TTC7B: variants seen among roughly 807,000 people sequenced by gnomAD.
TTC7B encodes tetratricopeptide repeat domain 7B.
TTC7B carries 28 observed loss-of-function variants against 106.8 expected under a neutral mutation model. The ratio of observed to expected loss-of-function variants is 0.26; its 90% CI spans 0.19 to 0.36. The LOEUF is 0.36. Ranked by LOEUF, TTC7B falls within the 10% of genes least tolerant of loss-of-function variation. The probability of loss-of-function intolerance (pLI) is 1.00; values close to 1 mark genes in which losing one functional copy is unlikely to be tolerated. For missense variants in TTC7B, 862 were observed against 1,076.4 expected, an observed-to-expected ratio of 0.80 and a Z score of 2.79; for synonymous variants, 405 against 430.6, an observed-to-expected ratio of 0.94 and a Z score of 0.74.
chr14:90,664,356 G>A (rs764342868), intron 9 of TTC7B, among the ~76,000 whole-genome samples: 1 of 152,068 alleles, frequency 6.6e-6, no homozygotes, highest in African/African-American at 2.4e-5. Context: ...TGCAAGCTCC[G>A]CCTCCTGGGA....
intron 9 of TTC7B, among the ~76,000 whole-genome samples, chr14:90,672,249 A>C (rs903829717): frequency 6.6e-6 from 1 of 151,972 alleles, no homozygotes; most frequent in African/African-American, 2.4e-5. Flanking sequence ...GGTTTTATGA[A>C]CTCTTCTGTC....
chr14:90,771,175 TAATG>T (rs1264730031), intron 3 of TTC7B, among the ~76,000 whole-genome samples: 10 of 152,054 alleles, frequency 6.6e-5, no homozygotes, highest in Admixed American at 6.6e-4. Flanking sequence ...CACTTAAAAA[TAATG>T]AAGATGGGAA....
chr14:90,592,657 C>T (rs894804257), intron 18 of TTC7B, among the ~76,000 whole-genome samples: 56 of 150,644 alleles, frequency 3.7e-4, no homozygotes, highest in Non-Finnish European at 6.3e-4. Flanking sequence ...TGCAGTGAGC[C>T]GAGATTGCAC....
chr14:90,688,806 TA>T (rs1377858159), intron 7 of TTC7B, among the ~76,000 whole-genome samples: 1 of 151,380 alleles, frequency 6.6e-6, no homozygotes, highest in Non-Finnish European at 1.5e-5. Context: ...CTCAAAAAAA[TA>T]AAAAATAAAA....
intron 3 of TTC7B, among the ~76,000 whole-genome samples, chr14:90,758,097 T>C (rs1490203547): frequency 6.6e-6 from 1 of 151,856 alleles, no homozygotes; most frequent in Admixed American, 6.6e-5. Flanking sequence ...CTCGGCTTGG[T>C]GAGTCCCTAA....
At chr14:90,597,989 A>C (rs1410082029) in intron 17 of TTC7B, among the ~76,000 whole-genome samples, 3 of 152,246 alleles carry the variant, frequency 2.0e-5, no homozygotes, top group African/African-American at 7.2e-5. Flanking sequence ...GTTTCCAAAT[A>C]ATCAGGTTCA....
At chr14:90,542,991 C>G (rs1303143609) in intron 19 of TTC7B, among the ~76,000 whole-genome samples, 1 of 152,220 alleles carries the variant, frequency 6.6e-6, no homozygotes, top group Non-Finnish European at 1.5e-5. Context: ...CTACCCCCTT[C>G]TATCATGACT....
chr14:90,627,093 C>T lies in TTC7B; in HGVS notation c.1752-9048G>A, dbSNP rs370205827. Among the ~76,000 whole-genome samples the T allele has an allele frequency of 3.5e-4, 54 of 152,176 alleles. 1 individual carries two copies. In the South Asian group the frequency reaches 9.5e-3, roughly 27 times the overall value. On this transcript the variant is annotated intron_variant, in intron 15 of 19. Transcript: ENST00000328459. The stretch of plus-strand genomic sequence containing the variant: ...CCTTCCAGGGCTTAAGAGATCCTCC[C>T]GTCTCAGCCTCCTGAGTGGCAGGGA...
rs151057726 is a variant in TTC7B at position 90,613,791 on chromosome 14, T to C, written c.1869-2952A>G. On this transcript the variant is annotated intron_variant, in intron 16 of 19. Coordinates refer to ENST00000328459, the MANE Select transcript of TTC7B (RefSeq NM_001010854.2). Reference sequence around the variant, plus strand: ...AAACCATTCCTGGTGAGTGTTGTAGTAGAGCGAAAGGAAACTGGAAGGACC... The same window carrying C: ...AAACCATTCCTGGTGAGTGTTGTAGCAGAGCGAAAGGAAACTGGAAGGACC... Among the ~76,000 whole-genome samples, 646 of 152,330 alleles carry C rather than the reference T, an allele frequency of 4.2e-3. 4 individuals are homozygous for C. Among genetic ancestry groups the C allele is most frequent in the African/African-American group, 0.015 (617 of 41,568 alleles).
At chr14:90,602,087 T>C (rs1467150301) in intron 17 of TTC7B, 1 of 455,762 alleles carries the variant, frequency 2.2e-6, no homozygotes, top group Non-Finnish European at 4.4e-6. Flanking sequence ...TGGAATCAAC[T>C]CTTAAGGGTG....
chr14:90,528,739 G>T lies in TTC7B; in HGVS notation c.*12629C>A, dbSNP rs1014088867. The T allele has an allele frequency of 2.0e-5, 3 of 148,722 alleles. No homozygotes were observed. Among genetic ancestry groups the T allele is most frequent in the Admixed American group, 6.7e-5 (1 of 14,918 alleles). The allele number at this position is 148,722 out of a possible 1,614,324, so 9.2% of individuals were successfully genotyped here. A position where few individuals can be genotyped will look rare whatever the true frequency, so the allele number is the denominator to read the frequency against. On this transcript the variant is annotated 3_prime_UTR_variant, in exon 20 of 20. Transcript: ENST00000328459. ...GCTTTGTTACCTGTTTCTGATGGTTGTTTCTGATGGTGTGACCCGACTGTG... is the reference window on the plus strand; with the variant it reads ...GCTTTGTTACCTGTTTCTGATGGTTTTTTCTGATGGTGTGACCCGACTGTG...
chr14:90,697,363 T>C (rs1887796260), intron 5 of TTC7B: 1 of 147,078 alleles, frequency 6.8e-6, no homozygotes, highest in African/African-American at 2.7e-5. Flanking sequence ...GACACAGAAG[T>C]GAAGGGCCTG....
At chr14:90,685,826 A>T (rs1887232434) in intron 7 of TTC7B, among the ~76,000 whole-genome samples, 1 of 152,316 alleles carries the variant, frequency 6.6e-6, no homozygotes, top group Admixed American at 6.5e-5. Flanking sequence ...ACCTAAAATA[A>T]GTAAAGAGAT....
chr14:90,599,066 G>A (rs1477749652), intron 17 of TTC7B, among the ~76,000 whole-genome samples: 5 of 152,144 alleles, frequency 3.3e-5, no homozygotes, highest in Non-Finnish European at 5.9e-5. Flanking sequence ...CAGGAGAATC[G>A]GTTGAACCCA....
intron 9 of TTC7B, among the ~76,000 whole-genome samples, chr14:90,672,408 A>G (rs930293879): frequency 3.9e-5 from 6 of 152,154 alleles, no homozygotes; most frequent in Non-Finnish European, 8.8e-5. Flanking sequence ...GGTGCTGACA[A>G]TCAGGCCCCA....
chr14:90,596,127 C>A (rs1892192966), intron 17 of TTC7B, among the ~76,000 whole-genome samples: 1 of 151,992 alleles, frequency 6.6e-6, no homozygotes, highest in African/African-American at 2.4e-5. Context: ...TTTTTTTTAA[C>A]ATGTTTTAAC....
chr14:90,727,258 G>C (rs1889142846), intron 5 of TTC7B, among the ~76,000 whole-genome samples: 1 of 152,118 alleles, frequency 6.6e-6, no homozygotes, highest in Non-Finnish European at 1.5e-5. Flanking sequence ...ACAGAGGGAG[G>C]GTGATGGACA....
intron 3 of TTC7B, among the ~76,000 whole-genome samples, chr14:90,769,642 G>C (rs936593751): frequency 1.3e-5 from 2 of 152,086 alleles, no homozygotes; most frequent in East Asian, 3.9e-4. Context: ...GGTGGCATGA[G>C]CCTTTAGTCC....
At chr14:90,549,456 T>C (rs1471104266) in intron 19 of TTC7B, among the ~76,000 whole-genome samples, 2 of 152,176 alleles carry the variant, frequency 1.3e-5, no homozygotes, top group Non-Finnish European at 2.9e-5. Context: ...TGTCTCCCTT[T>C]GGGAAGATGA....
Sources: allele counts gnomAD v4.1 joint callset (sites outside exome capture counted in the v4.1 genomes callset), GRCh38; gene constraint gnomAD v4.1.1; transcripts MANE v1.5; gene names NCBI Gene and HGNC (gene_info 2026-07-23, HGNC 2026-07-21).